Variants in INTS7 observed in about 807,000 individuals in gnomAD.
INTS7 encodes integrator complex subunit 7.
INTS7 carries 46 observed loss-of-function variants against 109.2 expected under a neutral mutation model. That is an observed-to-expected ratio of 0.42 (90% confidence interval 0.33 to 0.54). INTS7 has a LOEUF of 0.54. Among genes scored for constraint, INTS7 ranks in the 20% least tolerant of loss-of-function variants. INTS7 has a pLI of 0.07. For missense variants in INTS7, 929 were observed against 1,132.4 expected, an observed-to-expected ratio of 0.82 and a Z score of 2.58; for synonymous variants, 412 against 402.9, an observed-to-expected ratio of 1.02 and a Z score of -0.27.
In INTS7 at chr1:211,981,168, A is replaced by G. The variant is rs1664647635; in HGVS notation, c.1155T>C (p.Asp385=). The change falls in exon 10 of 20, where the codon GAT becomes GAC. Residue 385 remains aspartate (D), a synonymous_variant. Transcript: ENST00000366994. The part of the protein sequence containing the change: ...QEKDLLALEQ[D]AVFGLESLLV... ...GTAGGGATTCCAGGCCAAAGACAGC[A>G]TCTTGTTCCAGTGCCAAAAGATCTA... 2 of 1,613,080 alleles carry G rather than the reference A, an allele frequency of 1.2e-6. No individual in the cohort carries two copies. The highest frequency in any genetic ancestry group is 1.7e-4 in the Middle Eastern group (1 of 6,056).
chr1:212,003,311 A>G (rs1446651253), intron 7 of INTS7, among the ~76,000 whole-genome samples: 4 of 151,516 alleles, frequency 2.6e-5, no homozygotes, highest in Non-Finnish European at 4.4e-5. Flanking sequence ...AAAGCAAAAA[A>G]AAAAAAAAAA....
intron 7 of INTS7, among the ~76,000 whole-genome samples, chr1:211,991,275 T>G (rs1332362125): frequency 6.6e-6 from 1 of 152,184 alleles, no homozygotes; most frequent in Non-Finnish European, 1.5e-5. Context: ...ATACAGCAAA[T>G]TTTTAACTGG....
At chr1:212,032,826 T>C (rs1399205682) in intron 1 of INTS7, among the ~76,000 whole-genome samples, 1 of 152,226 alleles carries the variant, frequency 6.6e-6, no homozygotes, top group Non-Finnish European at 1.5e-5. Context: ...TTGCTCCAGA[T>C]AACTGCATGC....
At chr1:211,997,977 C>A (rs1665486072) in intron 7 of INTS7, among the ~76,000 whole-genome samples, 1 of 149,810 alleles carries the variant, frequency 6.7e-6, no homozygotes, top group African/African-American at 2.5e-5. Context: ...CCTTTTTTTT[C>A]ATAGAAATTT....
chr1:211,941,502 C>A lies in INTS7; in HGVS notation c.*322G>T. 2 of 247,948 alleles carry A rather than the reference C, an allele frequency of 8.1e-6. No homozygotes were observed. The highest frequency in any genetic ancestry group is 1.6e-5 in the Non-Finnish European group (2 of 128,598). 15.4% of individuals were successfully genotyped at this position (247,948 alleles called of 1,614,324 possible). On this transcript the variant is annotated 3_prime_UTR_variant, in exon 20 of 20. Coordinates refer to ENST00000366994, the MANE Select transcript of INTS7 (RefSeq NM_015434.4). ...CCTCCCAAGTAGCTGGGACTACAGG[C>A]GCCTGCCACCATGCTTGGCTAATTT...
In INTS7 at chr1:211,944,947, C is replaced by CGG; in HGVS notation, c.2436_2437dup (p.Arg813ProfsTer18). On this transcript the variant is annotated frameshift_variant, in exon 19 of 20. Transcript: ENST00000366994. LOFTEE classifies it high-confidence loss of function. Reference sequence around the variant, plus strand: ...GACAGCAATGGGCTCTGCAGGATTCCGGGGCGATGGTGACAGAGCAAGCTG... The same window carrying CGG: ...GACAGCAATGGGCTCTGCAGGATTCCGGGGGGCGATGGTGACAGAGCAAGCTG... 1.2e-6 allele frequency: 2 copies of CGG among 1,614,008 alleles called. No homozygotes were observed. Among genetic ancestry groups the CGG allele is most frequent in the Non-Finnish European group, 1.7e-6 (2 of 1,179,966 alleles).
intron 17 of INTS7, among the ~76,000 whole-genome samples, chr1:211,948,995 G>A (rs548119005): frequency 2.4e-4 from 37 of 152,240 alleles, no homozygotes; most frequent in Non-Finnish European, 4.6e-4. Context: ...ATAAGGCACT[G>A]TGCCTGGACA....
chr1:211,952,575 A>G lies in INTS7; in HGVS notation c.2310T>C (p.Ser770=), dbSNP rs1482613170. ...TAAAACAAATGCCACTTGCCATATA[A>G]GAAACAGGGGTATATTTCCGATTGA... ...ESLNRKYTPV[S]YMHTACLCNA... The change falls in exon 17 of 20, where the codon TCT becomes TCC. Residue 770 remains serine, a synonymous_variant. Transcript: ENST00000366994. 1.2e-6 allele frequency: 2 copies of G among 1,611,978 alleles called. No homozygotes were observed. Among genetic ancestry groups the G allele is most frequent in the Non-Finnish European group, 1.7e-6 (2 of 1,179,370 alleles).
chr1:212,027,727 TTTGAAAAATA>T (rs1314485157), intron 1 of INTS7, among the ~76,000 whole-genome samples: 2 of 152,272 alleles, frequency 1.3e-5, no homozygotes, highest in African/African-American at 4.8e-5. Context: ...CTGCTAAGTT[TTTGAAAAATA>T]TCTATGCTAT....
chr1:211,987,434 G>A (rs974751230), intron 8 of INTS7, among the ~76,000 whole-genome samples: 2 of 152,178 alleles, frequency 1.3e-5, no homozygotes, highest in African/African-American at 4.8e-5. Context: ...AGGTAACTAG[G>A]AAAGTGTTAT....
intron 13 of INTS7, among the ~76,000 whole-genome samples, chr1:211,972,029 G>C (rs942155900): frequency 6.6e-6 from 1 of 151,918 alleles, no homozygotes; most frequent in South Asian, 2.1e-4. Flanking sequence ...TTGTGGAAAG[G>C]AAACAGTATA....
chr1:211,948,357 C>T (rs1242080418), intron 17 of INTS7, among the ~76,000 whole-genome samples: 1 of 152,214 alleles, frequency 6.6e-6, no homozygotes. Flanking sequence ...TAGCATTAAT[C>T]AGCTTCCTGC....
At chr1:212,019,637 A>G (rs1666606442) in intron 3 of INTS7, among the ~76,000 whole-genome samples, 2 of 152,226 alleles carry the variant, frequency 1.3e-5, no homozygotes, top group Non-Finnish European at 2.9e-5. Flanking sequence ...AATTCTAACA[A>G]ATAAATTTTT....
intron 4 of INTS7, among the ~76,000 whole-genome samples, chr1:212,013,802 C>A (rs1666272576): frequency 6.6e-6 from 1 of 152,164 alleles, no homozygotes; most frequent in Non-Finnish European, 1.5e-5. Flanking sequence ...AGGTTTACAG[C>A]CTGGGGCAAC....
chr1:211,982,664 G>C lies in INTS7; in HGVS notation c.1132+12C>G. 6.3e-7 allele frequency: 1 copy of C among 1,594,298 alleles called. No individual in the cohort carries two copies. Among genetic ancestry groups the C allele is most frequent in the Non-Finnish European group, 8.5e-7 (1 of 1,170,584 alleles). On this transcript the variant is annotated intron_variant, in intron 9 of 19. Coordinates refer to ENST00000366994, the MANE Select transcript of INTS7 (RefSeq NM_015434.4). ...AAAGTTTATACGTAATATCAGTCCT[G>C]ATCAAACTTACCCTTTTCTTGACAA...
chr1:211,940,458 T>C lies in INTS7; in HGVS notation c.*1366A>G, dbSNP rs920432373. The C allele has an allele frequency of 1.3e-5, 2 of 152,192 alleles. No homozygotes were observed. Among genetic ancestry groups the C allele is most frequent in the African/African-American group, 2.4e-5 (1 of 41,444 alleles). 9.4% of individuals were successfully genotyped at this position (152,192 alleles called of 1,614,324 possible). A position where few individuals can be genotyped will look rare whatever the true frequency, so the allele number is the denominator to read the frequency against. On this transcript the variant is annotated 3_prime_UTR_variant, in exon 20 of 20. Coordinates refer to ENST00000366994, the MANE Select transcript of INTS7 (RefSeq NM_015434.4). ...AAATTCCAGGGAAAGTACCCTGCTTTACCTTAGGAGCTGCATCCGGCCAAA... is the reference window on the plus strand; with the variant it reads ...AAATTCCAGGGAAAGTACCCTGCTTCACCTTAGGAGCTGCATCCGGCCAAA...
At chr1:211,986,660 G>T (rs1451317423) in intron 8 of INTS7, among the ~76,000 whole-genome samples, 1 of 152,128 alleles carries the variant, frequency 6.6e-6, no homozygotes, top group Non-Finnish European at 1.5e-5. Context: ...GTATATTCTG[G>T]AAACAAATGT....
chr1:212,020,165 C>T lies in INTS7; in HGVS notation c.328G>A (p.Val110Met). 1 of 1,609,410 alleles carries T rather than the reference C, an allele frequency of 6.2e-7. No individual in the cohort carries two copies. The highest frequency in any genetic ancestry group is 8.5e-7 in the Non-Finnish European group (1 of 1,177,188). ...VDEFVKRIFSVIHSNDPVARA... is the reference protein window; with the variant it reads ...VDEFVKRIFSMIHSNDPVARA... ...GCCACAGGATCATTACTATGAATCA[C>T]AGAAAAAATTCTCTTCACAAATTCA... Residue 110 changes from valine (V) to methionine (M), a missense_variant, in exon 3 of 20, where the codon GTG becomes ATG. Transcript: ENST00000366994.
intron 16 of INTS7, among the ~76,000 whole-genome samples, chr1:211,958,992 C>T (rs1199454155): frequency 2.0e-5 from 3 of 152,144 alleles, no homozygotes; most frequent in Admixed American, 6.5e-5. Context: ...GGGACCCCTG[C>T]ATGGGGATAT....
Sources: gnomAD v4.1 joint callset for allele counts (sites outside exome capture counted in the v4.1 genomes callset) on GRCh38, gnomAD v4.1.1 for gene constraint, MANE v1.5 for transcripts, NCBI Gene and HGNC (gene_info 2026-07-23, HGNC 2026-07-21) for gene names.